Variants in GULP1 observed in about 807,000 individuals in gnomAD.
GULP1 encodes GULP PTB domain containing engulfment adaptor 1, also known as PTB domain-containing engulfment adapter protein 1.
Under a neutral mutation model 40.9 loss-of-function variants are expected in GULP1, and 19 were observed. That is an observed-to-expected ratio of 0.46 (90% CI 0.32 to 0.68). GULP1 has a LOEUF of 0.68. GULP1 is among the 30% of genes least tolerant of loss of function. The probability of loss-of-function intolerance (pLI) is 0.03; values close to 1 mark genes in which losing one functional copy is unlikely to be tolerated. For synonymous variants in GULP1, 119 were observed against 117.6 expected (o/e 1.01, Z -0.08); for missense variants, 312 against 362.2 (o/e 0.86, Z 1.12).
At chr2:188,458,076 G>A (rs552522454) in intron 2 of GULP1, among the ~76,000 whole-genome samples, 63 of 152,078 alleles carry the variant, frequency 4.1e-4, no homozygotes, top group Non-Finnish European at 8.1e-4. Flanking sequence ...CATGCAATTA[G>A]AAGAGAAATT....
At chr2:188,412,375 C>T (rs1478790233) in intron 2 of GULP1, among the ~76,000 whole-genome samples, 1 of 152,176 alleles carries the variant, frequency 6.6e-6, no homozygotes, top group African/African-American at 2.4e-5. Context: ...AGTGTGATTT[C>T]ATCTTCACAT....
chr2:188,297,414 T>C, intron 1 of GULP1: 1 of 445,324 alleles, frequency 2.2e-6, no homozygotes, highest in Non-Finnish European at 4.5e-6. Context: ...GTGAGAATTT[T>C]ATACAAATGT....
intron 9 of GULP1, among the ~76,000 whole-genome samples, chr2:188,576,989 G>T (rs1700299039): frequency 6.6e-6 from 1 of 152,134 alleles, no homozygotes; most frequent in African/African-American, 2.4e-5. Flanking sequence ...GCCTGCAGAA[G>T]ATTGTTTCAT....
At chr2:188,433,287 T>C (rs760570253) in intron 2 of GULP1, among the ~76,000 whole-genome samples, 2 of 152,122 alleles carry the variant, frequency 1.3e-5, no homozygotes, top group African/African-American at 2.4e-5. Flanking sequence ...TTTATATATA[T>C]ATTTTTCTTT....
intron 1 of GULP1, among the ~76,000 whole-genome samples, chr2:188,314,269 A>G (rs1013857409): frequency 6.6e-6 from 1 of 152,184 alleles, no homozygotes; most frequent in African/African-American, 2.4e-5. Flanking sequence ...TACTAGTAGT[A>G]CAGTAGGGGA....
At chr2:188,317,118 C>T (rs926327469) in intron 1 of GULP1, among the ~76,000 whole-genome samples, 1 of 152,120 alleles carries the variant, frequency 6.6e-6, no homozygotes, top group South Asian at 2.1e-4. Flanking sequence ...AGAAAACAAG[C>T]CAAACTCTCC....
intron 1 of GULP1, among the ~76,000 whole-genome samples, chr2:188,317,308 A>T (rs926895632): frequency 2.6e-4 from 39 of 152,144 alleles, no homozygotes; most frequent in African/African-American, 8.9e-4. Flanking sequence ...ATTGAATTGC[A>T]ATTTTCTCCT....
rs2034004489 is a variant in GULP1 at position 188,292,564 on chromosome 2, C to A, written c.-172+398C>A. ...AACTGGAGGGAGGCGGTGGGGAAAC[C>A]GTGGATCCGTCCGGCTGAGGGTGCG... On this transcript the variant is annotated intron_variant, in intron 1 of 11. Transcript: ENST00000409830. This position sits in a 1 kb window ranked among gnomAD's most constrained non-coding sequence, Gnocchi z 4.0. Among the ~76,000 whole-genome samples the A allele has an allele frequency of 6.6e-6, 1 of 151,816 alleles. No homozygotes were observed. The highest frequency in any genetic ancestry group is 2.4e-5 in the African/African-American group (1 of 41,324).
intron 4 of GULP1, among the ~76,000 whole-genome samples, chr2:188,501,694 G>C (rs2063451448): frequency 6.6e-6 from 1 of 151,912 alleles, no homozygotes; most frequent in African/African-American, 2.4e-5. Flanking sequence ...AGAGTAAAGG[G>C]ATTGATGACT....
intron 1 of GULP1, among the ~76,000 whole-genome samples, chr2:188,314,023 A>G (rs574550729): frequency 2.0e-5 from 3 of 151,998 alleles, no homozygotes; most frequent in South Asian, 4.1e-4. Flanking sequence ...CAAAATACAT[A>G]TAAAATAAAG....
At chr2:188,352,355 C>A (rs10199264) in intron 1 of GULP1, among the ~76,000 whole-genome samples, 5 of 151,896 alleles carry the variant, frequency 3.3e-5, no homozygotes, top group Non-Finnish European at 7.4e-5. Flanking sequence ...TTCTGGCCTT[C>A]AGACTTGGAC....
intron 3 of GULP1, among the ~76,000 whole-genome samples, chr2:188,479,728 A>G (rs1278742081): frequency 6.6e-6 from 1 of 152,098 alleles, no homozygotes; most frequent in Non-Finnish European, 1.5e-5. Flanking sequence ...TTGAAACTCC[A>G]CATCTGTAAT....
At chr2:188,427,231 C>T (rs1049324030) in intron 2 of GULP1, among the ~76,000 whole-genome samples, 1 of 152,164 alleles carries the variant, frequency 6.6e-6, no homozygotes, top group African/African-American at 2.4e-5. Context: ...GGAAGCAGAG[C>T]TTAATGTCTT....
intron 10 of GULP1, among the ~76,000 whole-genome samples, chr2:188,586,874 A>AT (rs931174078): frequency 8.6e-5 from 13 of 151,568 alleles, no homozygotes; most frequent in African/African-American, 2.9e-4. Flanking sequence ...TTCTTTTTTA[A>AT]TTTTTTAATT....
chr2:188,378,240 C>T (rs2048540330), intron 1 of GULP1, among the ~76,000 whole-genome samples: 2 of 147,550 alleles, frequency 1.4e-5, no homozygotes, highest in South Asian at 2.1e-4. Context: ...CACTACGCTA[C>T]TTTGCTTCAA....
intron 1 of GULP1, among the ~76,000 whole-genome samples, chr2:188,337,098 A>G (rs5004394): frequency 1.4e-4 from 5 of 35,646 alleles, no homozygotes; most frequent in Admixed American, 1.1e-3. Flanking sequence ...ATCTATATCT[A>G]TATCTATATC....
Position 188,411,886 on chromosome 2 carries a change from G to T in GULP1, c.-45+27997G>T, listed in dbSNP as rs117943716. On this transcript the variant is annotated intron_variant, in intron 2 of 11. Transcript: ENST00000409830. The stretch of plus-strand genomic sequence containing the variant: ...GTATGTCCTAGAAAGGGGCTCTAGT[G>T]CTGCAGCTGTCCATTTTGGGGTGGC... 3.7e-4 allele frequency among the ~76,000 whole-genome samples: 56 copies of T among 152,288 alleles called. No homozygotes were observed. The East Asian group carries it at 6.0e-3, about 16-fold the overall frequency.
At chr2:188,437,168 A>G (rs762826251) in intron 2 of GULP1, among the ~76,000 whole-genome samples, 12 of 152,112 alleles carry the variant, frequency 7.9e-5, no homozygotes, top group Admixed American at 2.0e-4. Context: ...ATGTCCCTGA[A>G]TCTTTCATAG....
chr2:188,568,976 CA>C (rs1366808052), intron 7 of GULP1, among the ~76,000 whole-genome samples: 4 of 152,002 alleles, frequency 2.6e-5, no homozygotes, highest in Non-Finnish European at 4.4e-5. Flanking sequence ...CTCTTGCTTC[CA>C]ACTTTCCCAC....
Sources: gnomAD v4.1 joint callset for allele counts (sites outside exome capture counted in the v4.1 genomes callset) on GRCh38, gnomAD v4.1.1 for gene constraint, Gnocchi (gnomAD v3.1) non-coding constraint, MANE v1.5 for transcripts, NCBI Gene and HGNC (gene_info 2026-07-23, HGNC 2026-07-21) for gene names.